The following FGF13 variants were observed in gnomAD, a reference collection of about 807,000 sequenced individuals.
The protein encoded by FGF13 is fibroblast growth factor 13, also known as fibroblast growth factor homologous factor 2.
A neutral mutation model predicts 19.5 loss-of-function variants in FGF13; 2 were observed. The ratio of observed to expected loss-of-function variants is 0.10; its 90% CI spans 0.04 to 0.32. The LOEUF is 0.32. Among genes scored for constraint, FGF13 ranks in the 10% least tolerant of loss-of-function variants. The pLI is 1.00. For synonymous variants in FGF13, 72 were observed against 76.9 expected, an observed-to-expected ratio of 0.94 and a Z score of 0.33; for missense variants, 113 against 192.7, an observed-to-expected ratio of 0.59 and a Z score of 2.45.
intron 3 of FGF13, among the ~76,000 whole-genome samples, chrX:138,690,233 A>G (rs2089825463): frequency 8.9e-6 from 1 of 111,753 alleles, no homozygotes; most frequent in Admixed American, 9.5e-5. Context: ...CATGAAAGTC[A>G]ATAGTAGAAA....
chrX:138,725,330 C>T (rs2090176932), intron 1 of FGF13, among the ~76,000 whole-genome samples: 1 of 111,141 alleles, frequency 9.0e-6, no homozygotes. Flanking sequence ...CTTGAGTACA[C>T]GAATAATACT....
intron 1 of FGF13, among the ~76,000 whole-genome samples, chrX:138,729,883 C>T (rs1259370301): frequency 9.0e-6 from 1 of 111,204 alleles, no homozygotes; most frequent in Non-Finnish European, 1.9e-5. Flanking sequence ...TGGAATATCT[C>T]ATCTTTAAAG....
intron 1 of FGF13, among the ~76,000 whole-genome samples, chrX:139,118,792 G>A (rs2083657340): frequency 1.8e-5 from 2 of 110,718 alleles, no homozygotes; most frequent in African/African-American, 3.3e-5. Context: ...GAGGCTAGGC[G>A]AGAAGAATCA....
At chrX:138,815,262 T>C (rs1164499186) in intron 3 of FGF13, among the ~76,000 whole-genome samples, 1 of 110,690 alleles carries the variant, frequency 9.0e-6, no homozygotes, top group Non-Finnish European at 1.9e-5. Flanking sequence ...ATCTTACATA[T>C]AGCATGATGA....
chrX:138,890,361 T>C (rs2091470721), intron 1 of FGF13, among the ~76,000 whole-genome samples: 1 of 112,093 alleles, frequency 8.9e-6, no homozygotes, highest in African/African-American at 3.2e-5. Context: ...AAGATAGTGA[T>C]AGTGCTTCTC....
In FGF13 at chrX:138,861,741, G is replaced by A. The variant is rs867152225; in HGVS notation, c.-39+2836C>T. On this transcript the variant is annotated intron_variant, in intron 2 of 2. Coordinates refer to the FGF13 transcript ENST00000421460. ...GCTTTTGTCGGGTGTGGTGGCTCAC[G>A]CCTGTAATCTCAGCATTTTGGGAGG... Among the ~76,000 whole-genome samples, 49 of 112,113 alleles carry A rather than the reference G, an allele frequency of 4.4e-4. 1 individual carries two copies. Among genetic ancestry groups the A allele is most frequent in the Admixed American group, 3.7e-3 (39 of 10,599 alleles).
At chrX:139,013,479 T>TA (rs2092138546) in intron 1 of FGF13, among the ~76,000 whole-genome samples, 3 of 71,083 alleles carry the variant, frequency 4.2e-5, no homozygotes, top group Admixed American at 1.9e-4. Flanking sequence ...AAAGAAAATT[T>TA]TATATATATA....
chrX:138,987,544 T>G (rs139583940), intron 1 of FGF13, among the ~76,000 whole-genome samples: 1,963 of 112,335 alleles, frequency 0.017, 37 homozygotes, highest in African/African-American at 0.061. Flanking sequence ...TTGGCTGATG[T>G]TCATTTTGTT....
chrX:138,962,945 G>A (rs949597611), intron 1 of FGF13, among the ~76,000 whole-genome samples: 4 of 111,033 alleles, frequency 3.6e-5, no homozygotes, highest in Admixed American at 9.5e-5. Flanking sequence ...GTATACATAC[G>A]TAACAAACCT....
chrX:138,740,534 G>A (rs963180307), upstream of FGF13, among the ~76,000 whole-genome samples: 1 of 111,839 alleles, frequency 8.9e-6, no homozygotes, highest in African/African-American at 3.3e-5. Flanking sequence ...AAGGGATCCA[G>A]CCTCAACAAA....
chrX:138,949,391 C>T (rs1017363332), intron 1 of FGF13, among the ~76,000 whole-genome samples: 2 of 111,503 alleles, frequency 1.8e-5, no homozygotes, highest in African/African-American at 6.5e-5. Context: ...CCTTGGTGTT[C>T]TTGGCTTGTT....
intron 1 of FGF13, among the ~76,000 whole-genome samples, chrX:139,011,143 G>A (rs892000834): frequency 9.0e-6 from 1 of 110,951 alleles, no homozygotes; most frequent in East Asian, 2.8e-4. Context: ...AGCAAGCAGT[G>A]AGGTTGAAAT....
At chrX:138,922,917 T>G (rs912103619) in intron 1 of FGF13, among the ~76,000 whole-genome samples, 1 of 111,793 alleles carries the variant, frequency 8.9e-6, no homozygotes, top group African/African-American at 3.3e-5. Context: ...CATCAAACAG[T>G]CCATATATAT....
At chrX:139,058,184 C>T (rs918971155) in intron 1 of FGF13, among the ~76,000 whole-genome samples, 6 of 111,821 alleles carry the variant, frequency 5.4e-5, no homozygotes, top group African/African-American at 1.6e-4. Context: ...AAGGAAAAGG[C>T]GCAGTGTAGC....
At chrX:139,008,872 A>G (rs1019192894) in intron 1 of FGF13, among the ~76,000 whole-genome samples, 1 of 112,155 alleles carries the variant, frequency 8.9e-6, no homozygotes, top group African/African-American at 3.2e-5. Context: ...TTGCCAGAAA[A>G]AGAATTCAGA....
chrX:138,787,351 C>T lies in FGF13; in HGVS notation c.217+70161G>A, dbSNP rs755932598. Among the ~76,000 whole-genome samples, 5 of 111,630 alleles carry T rather than the reference C, an allele frequency of 4.5e-5. No individual in the cohort carries two copies. The South Asian group carries it at 1.9e-3, about 43-fold the overall frequency. The stretch of plus-strand genomic sequence containing the variant: ...ATTTGGGGCAGCTATAACAAATTAC[C>T]AGAGGCTGGATGGCTTAAAAACAAG... On this transcript the variant is annotated intron_variant, in intron 3 of 6. Transcript: ENST00000436198.
At chrX:138,868,228 C>T (rs17001803) in intron 1 of FGF13, among the ~76,000 whole-genome samples, 2,915 of 111,214 alleles carry the variant, frequency 0.026, 102 homozygotes, top group African/African-American at 0.088. Flanking sequence ...ATTTACATAT[C>T]GATTCCAGGC....
chrX:138,778,736 G>T (rs2090612246), intron 3 of FGF13, among the ~76,000 whole-genome samples: 1 of 112,493 alleles, frequency 8.9e-6, no homozygotes, highest in East Asian at 2.8e-4. Flanking sequence ...AGCCAGGCTG[G>T]GGGAGGGGCG....
At chrX:138,848,350 G>C (rs2091198213) in intron 3 of FGF13, among the ~76,000 whole-genome samples, 1 of 110,920 alleles carries the variant, frequency 9.0e-6, no homozygotes, top group Non-Finnish European at 1.9e-5. Flanking sequence ...TTCCTGGATT[G>C]ACAGCTGACA....
Sources: allele counts gnomAD v4.1 joint callset (sites outside exome capture counted in the v4.1 genomes callset), GRCh38; gene constraint gnomAD v4.1.1; transcripts MANE v1.5; gene names NCBI Gene and HGNC (gene_info 2026-07-23, HGNC 2026-07-21).